Variants in HIBADH observed in about 807,000 individuals in gnomAD.
HIBADH encodes 3-hydroxyisobutyrate dehydrogenase.
A neutral mutation model predicts 36.1 loss-of-function variants in HIBADH; 25 were observed. That is an observed-to-expected ratio of 0.69 (90% confidence interval 0.50 to 0.97). HIBADH has a LOEUF of 0.97. Among genes scored for constraint, HIBADH ranks in the 50% least tolerant of loss-of-function variants. HIBADH has a pLI of 0.00. For synonymous variants in HIBADH, 160 were observed against 149.5 expected (o/e 1.07, Z -0.51); for missense variants, 421 against 418.0 (o/e 1.01, Z -0.06).
intron 3 of HIBADH, 149 bp downstream of exon 3, chr7:27,632,187 A>T: frequency 3.6e-6 from 2 of 548,598 alleles, no homozygotes; most frequent in Non-Finnish European, 3.1e-6. Context: ...AGCCTTTTAC[A>T]ATGAGAAAAC....
chr7:27,621,399 C>T (rs1008286483), intron 4 of HIBADH, among the ~76,000 whole-genome samples: 11 of 152,168 alleles, frequency 7.2e-5, no homozygotes, highest in African/African-American at 2.7e-4. Flanking sequence ...CACATTTTAT[C>T]CAACAGTTGC....
chr7:27,615,232 A>C (rs1041360890), intron 4 of HIBADH, among the ~76,000 whole-genome samples: 2 of 152,282 alleles, frequency 1.3e-5, no homozygotes, highest in South Asian at 4.1e-4. Context: ...ACAGGAGGCC[A>C]CCAAGGAACG....
chr7:27,643,067 A>G (rs756255716), intron 2 of HIBADH, among the ~76,000 whole-genome samples: 3 of 152,240 alleles, frequency 2.0e-5, no homozygotes, highest in Non-Finnish European at 4.4e-5. Flanking sequence ...ACAATTTGGA[A>G]TCACATATTT....
chr7:27,650,798 G>A (rs957312440), intron 1 of HIBADH, among the ~76,000 whole-genome samples: 46 of 150,440 alleles, frequency 3.1e-4, no homozygotes, highest in African/African-American at 1.1e-3. Flanking sequence ...AAATTACTCC[G>A]TGGGCATATG....
intron 3 of HIBADH, among the ~76,000 whole-genome samples, chr7:27,630,392 C>A (rs919020014): frequency 2.0e-5 from 3 of 152,130 alleles, no homozygotes; most frequent in Non-Finnish European, 2.9e-5. Flanking sequence ...CATCCTGCCT[C>A]AGTCTCCCAA....
intron 4 of HIBADH, among the ~76,000 whole-genome samples, chr7:27,589,275 AT>A (rs1026242195): frequency 3.7e-4 from 56 of 152,108 alleles, no homozygotes; most frequent in Non-Finnish European, 6.5e-4. Flanking sequence ...GAAAACCTTA[AT>A]TTTTTTGTTT....
chr7:27,557,665 A>G (rs1784412718), intron 4 of HIBADH, among the ~76,000 whole-genome samples: 1 of 152,156 alleles, frequency 6.6e-6, no homozygotes, highest in Admixed American at 6.5e-5. Flanking sequence ...ACATGGCAGA[A>G]GACAGAAGGG....
At chr7:27,599,509 C>T (rs2128290059) in intron 4 of HIBADH, among the ~76,000 whole-genome samples, 1 of 151,650 alleles carries the variant, frequency 6.6e-6, no homozygotes, top group East Asian at 1.9e-4. Flanking sequence ...GGTGAAACCC[C>T]ACCTCTACTA....
At chr7:27,603,748 CAAGT>C (rs1289262075) in intron 4 of HIBADH, among the ~76,000 whole-genome samples, 3 of 151,914 alleles carry the variant, frequency 2.0e-5, no homozygotes, top group East Asian at 3.8e-4. Flanking sequence ...TATCTAAAAC[CAAGT>C]AAGTTAAACA....
chr7:27,567,489 T>C (rs957944387), intron 4 of HIBADH, among the ~76,000 whole-genome samples: 2 of 152,172 alleles, frequency 1.3e-5, no homozygotes, highest in African/African-American at 2.4e-5. Flanking sequence ...ATGTTAGTAT[T>C]GATAGGTTTG....
chr7:27,544,699 G>C (rs1413588810), intron 4 of HIBADH, among the ~76,000 whole-genome samples: 1 of 152,248 alleles, frequency 6.6e-6, no homozygotes, highest in East Asian at 1.9e-4. Flanking sequence ...TTAAGTCAAA[G>C]CTTACAAGCA....
At chr7:27,594,386 A>C (rs1784995288) in intron 4 of HIBADH, among the ~76,000 whole-genome samples, 1 of 151,974 alleles carries the variant, frequency 6.6e-6, no homozygotes, top group Admixed American at 6.6e-5. Context: ...CAGGTGATCC[A>C]CCCGCCTTGG....
rs1437722357 is a variant in HIBADH at position 27,613,174 on chromosome 7, A to T, written c.484+16197T>A. On this transcript the variant is annotated intron_variant, in intron 4 of 7. Coordinates refer to ENST00000265395, the MANE Select transcript of HIBADH (RefSeq NM_152740.4). ...TTATATAAATATATATATTTATATA[A>T]ATATATTTATATAAATATATATATT... is the stretch of plus-strand genomic sequence containing the variant. Among the ~76,000 whole-genome samples the T allele has an allele frequency of 9.6e-3, 90 of 9,328 alleles. 1 individual carries two copies. Among genetic ancestry groups the T allele is most frequent in the South Asian group, 0.068 (35 of 512 alleles). 6.1% of individuals were successfully genotyped at this position (9,328 alleles called of 152,430 possible).
At chr7:27,589,053 A>G (rs1784904668) in intron 4 of HIBADH, among the ~76,000 whole-genome samples, 1 of 152,240 alleles carries the variant, frequency 6.6e-6, no homozygotes, top group Non-Finnish European at 1.5e-5. Flanking sequence ...CTGCATTTGC[A>G]GGGACAAATA....
chr7:27,571,602 G>A (rs776465229), intron 4 of HIBADH, among the ~76,000 whole-genome samples: 1 of 152,162 alleles, frequency 6.6e-6, no homozygotes, highest in Non-Finnish European at 1.5e-5. Flanking sequence ...ACAGTTCGTA[G>A]AGATTGAATA....
chr7:27,640,654 TCA>T (rs1162051526), intron 2 of HIBADH, among the ~76,000 whole-genome samples: 3 of 152,214 alleles, frequency 2.0e-5, no homozygotes, highest in South Asian at 2.1e-4. Context: ...CTATACCTAA[TCA>T]CAGTTTCTGA....
rs1005773796 is a variant in HIBADH, at chr7:27,607,762, T to C, written c.484+21609A>G. Among the ~76,000 whole-genome samples, 6 of 151,840 alleles carry C rather than the reference T, an allele frequency of 4.0e-5. No individual in the cohort carries two copies. The South Asian group carries it at 8.3e-4, about 21-fold the overall frequency. Reference sequence around the variant, plus strand: ...AATGCTGCAAAAAAAAAAAATGTTATAGCCTAAGGTAAAGGGTTAATAAAA... The same window carrying C: ...AATGCTGCAAAAAAAAAAAATGTTACAGCCTAAGGTAAAGGGTTAATAAAA... On this transcript the variant is annotated intron_variant, in intron 4 of 7. Transcript: ENST00000265395.
At chr7:27,579,378 G>A (rs1303668400) in intron 4 of HIBADH, among the ~76,000 whole-genome samples, 2 of 152,068 alleles carry the variant, frequency 1.3e-5, no homozygotes, top group African/African-American at 4.8e-5. Context: ...ACATAGCAGA[G>A]CACTGATACC....
intron 1 of HIBADH, among the ~76,000 whole-genome samples, chr7:27,653,374 G>A (rs1223749530): frequency 1.3e-5 from 2 of 152,118 alleles, no homozygotes. Context: ...AAGGAGAGCT[G>A]GCTCAGTTTT....
Sources: gnomAD v4.1 joint callset for allele counts (sites outside exome capture counted in the v4.1 genomes callset) on GRCh38, gnomAD v4.1.1 for gene constraint, MANE v1.5 for transcripts, NCBI Gene and HGNC (gene_info 2026-07-23, HGNC 2026-07-21) for gene names.